Variants in PCDH15 observed in about 807,000 individuals in gnomAD.
PCDH15 encodes protocadherin-15.
Under a neutral mutation model 178.5 loss-of-function variants are expected in PCDH15, and 129 were observed. The observed-to-expected ratio is 0.72, with a 90% CI of 0.63 to 0.84. The LOEUF is 0.84. Among genes scored for constraint, PCDH15 ranks in the 40% least tolerant of loss-of-function variants. The pLI is 0.00. For missense variants in PCDH15, 2,230 were observed against 2,099.9 expected, an observed-to-expected ratio of 1.06 and a Z score of -1.21; for synonymous variants, 800 against 732.0, an observed-to-expected ratio of 1.09 and a Z score of -1.50.
chr10:53,982,100 C>A (rs1171275042), intron 21 of PCDH15, among the ~76,000 whole-genome samples: 1 of 152,102 alleles, frequency 6.6e-6, no homozygotes. Flanking sequence ...CAGAGAAATG[C>A]AAATCAAAAC....
At chr10:54,622,628 A>ATTTTTC (rs1491276836) in intron 2 of PCDH15, among the ~76,000 whole-genome samples, 1 of 39,766 alleles carries the variant, frequency 2.5e-5, no homozygotes, top group African/African-American at 1.2e-4. Flanking sequence ...AATATATATA[A>ATTTTTC]TATATATTAT....
At chr10:54,813,117 C>T (rs1004505337) in intron 3 of PCDH15, among the ~76,000 whole-genome samples, 1 of 152,178 alleles carries the variant, frequency 6.6e-6, no homozygotes, top group African/African-American at 2.4e-5. Context: ...CCTGTTTTCT[C>T]CTATGCCTGT....
chr10:54,321,441 GA>G (rs2061598674), intron 7 of PCDH15, among the ~76,000 whole-genome samples: 1 of 150,860 alleles, frequency 6.6e-6, no homozygotes, highest in Non-Finnish European at 1.5e-5. Context: ...TATTTTATGT[GA>G]TACATGAATG....
At chr10:55,214,991 T>C (rs981993104) in intron 1 of PCDH15, among the ~76,000 whole-genome samples, 8 of 152,244 alleles carry the variant, frequency 5.3e-5, no homozygotes, top group African/African-American at 1.9e-4. Flanking sequence ...TACATATTTA[T>C]TCACTTTAAT....
chr10:55,394,841 A>G (rs1837882616), intron 2 of PCDH15, among the ~76,000 whole-genome samples: 1 of 152,098 alleles, frequency 6.6e-6, no homozygotes, highest in South Asian at 2.1e-4. Context: ...ACATGTGCTC[A>G]TTTATCAGTA....
At chr10:55,374,742 A>G (rs922660633) in intron 2 of PCDH15, among the ~76,000 whole-genome samples, 1 of 152,098 alleles carries the variant, frequency 6.6e-6, no homozygotes, top group Non-Finnish European at 1.5e-5. Flanking sequence ...TTATTTATCA[A>G]CTTATTTTTG....
intron 6 of PCDH15, among the ~76,000 whole-genome samples, chr10:54,338,139 G>T (rs1444465253): frequency 6.6e-6 from 1 of 152,148 alleles, no homozygotes; most frequent in African/African-American, 2.4e-5. Context: ...GTGTTTGGTT[G>T]GGTTTTGAAA....
intron 3 of PCDH15, among the ~76,000 whole-genome samples, chr10:54,451,345 G>GACTT (rs2076466910): frequency 6.6e-6 from 1 of 151,900 alleles, no homozygotes; most frequent in Non-Finnish European, 1.5e-5. Context: ...CAACTAGTGA[G>GACTT]CATTATCTTT....
intron 15 of PCDH15, among the ~76,000 whole-genome samples, chr10:54,130,741 C>T (rs751712108): frequency 6.6e-6 from 1 of 152,212 alleles, no homozygotes; most frequent in Non-Finnish European, 1.5e-5. Flanking sequence ...CCCTCAAATT[C>T]TGTCTTCCAA....
chr10:54,464,678 C>A (rs2077405085), intron 3 of PCDH15, among the ~76,000 whole-genome samples: 1 of 152,126 alleles, frequency 6.6e-6, no homozygotes, highest in Admixed American at 6.5e-5. Flanking sequence ...ATTCATTAAT[C>A]TTTACACAAG....
intron 2 of PCDH15, among the ~76,000 whole-genome samples, chr10:55,382,073 T>G (rs1837545656): frequency 6.6e-6 from 1 of 152,216 alleles, no homozygotes; most frequent in South Asian, 2.1e-4. Context: ...GAAAGCTAAA[T>G]AATTTCACCT....
chr10:53,920,774 T>C (rs945367821), intron 25 of PCDH15, among the ~76,000 whole-genome samples: 4 of 151,804 alleles, frequency 2.6e-5, no homozygotes, highest in African/African-American at 9.7e-5. Context: ...AAAGCATACA[T>C]TTTTTTTCCT....
rs1264940128 is a variant in PCDH15 at position 53,855,957 on chromosome 10, A to T, written c.3806+1218T>A. Among the ~76,000 whole-genome samples, 3 of 136,746 alleles carry T rather than the reference A, an allele frequency of 2.2e-5. No individual in the cohort carries two copies. In the Admixed American group the frequency reaches 2.3e-4, roughly 11 times the overall value. 89.7% of individuals were successfully genotyped at this position (136,746 alleles called of 152,430 possible). ...GTGTGTAATGAAATAGTATTCAGCCATAAAAAGGAACAAAATAATGGCATT... is the reference window on the plus strand; with the variant it reads ...GTGTGTAATGAAATAGTATTCAGCCTTAAAAAGGAACAAAATAATGGCATT... On this transcript the variant is annotated intron_variant, in intron 28 of 37. Coordinates refer to ENST00000644397, the MANE Select transcript of PCDH15 (RefSeq NM_001384140.1).
intron 2 of PCDH15, among the ~76,000 whole-genome samples, chr10:54,641,535 C>T (rs1050756005): frequency 6.6e-6 from 1 of 151,888 alleles, no homozygotes. Context: ...ATTCCACTTC[C>T]ACTCCCCATT....
chr10:54,544,180 A>T (rs2085575363), intron 2 of PCDH15, among the ~76,000 whole-genome samples: 1 of 152,220 alleles, frequency 6.6e-6, no homozygotes, highest in African/African-American at 2.4e-5. Flanking sequence ...TGGCAAGTTT[A>T]GCAAAAGGGA....
chr10:54,648,864 A>G (rs1216857855), intron 2 of PCDH15, among the ~76,000 whole-genome samples: 2 of 152,172 alleles, frequency 1.3e-5, no homozygotes, highest in Admixed American at 6.5e-5. Flanking sequence ...AATCCAGCAG[A>G]TCATGTGTGG....
At chr10:55,615,687 G>C (rs1021034920) in intron 2 of PCDH15, among the ~76,000 whole-genome samples, 1 of 152,014 alleles carries the variant, frequency 6.6e-6, no homozygotes, top group Non-Finnish European at 1.5e-5. Flanking sequence ...GGGCAACATA[G>C]TGGGATTCTG....
At chr10:53,825,280 G>A (rs956347193) in intron 32 of PCDH15, 4 of 997,628 alleles carry the variant, frequency 4.0e-6, no homozygotes, top group Non-Finnish European at 5.3e-6. Flanking sequence ...CAAAAAAAAG[G>A]CATGTTTTTA....
chr10:54,137,304 C>T (rs926381725), intron 14 of PCDH15, among the ~76,000 whole-genome samples: 17 of 152,038 alleles, frequency 1.1e-4, no homozygotes, highest in African/African-American at 4.1e-4. Flanking sequence ...ATCTCCATTT[C>T]TAAAAACGAA....
Sources: gnomAD v4.1 joint callset for allele counts (sites outside exome capture counted in the v4.1 genomes callset) on GRCh38, gnomAD v4.1.1 for gene constraint, MANE v1.5 for transcripts, NCBI Gene and HGNC (gene_info 2026-07-23, HGNC 2026-07-21) for gene names.